The following SAP130 variants were observed in gnomAD, a reference collection of about 807,000 sequenced individuals.
SAP130 encodes histone deacetylase complex subunit SAP130.
A neutral mutation model predicts 103.2 loss-of-function variants in SAP130; 16 were observed. That is an observed-to-expected ratio of 0.16 (90% CI 0.10 to 0.24). SAP130 has a LOEUF of 0.24. Among genes scored for constraint, SAP130 ranks in the 10% least tolerant of loss-of-function variants. The pLI is 1.00. For synonymous variants in SAP130, 477 were observed against 497.0 expected, an observed-to-expected ratio of 0.96 and a Z score of 0.53; for missense variants, 990 against 1,359.7, an observed-to-expected ratio of 0.73 and a Z score of 4.28.
intron 14 of SAP130, among the ~76,000 whole-genome samples, chr2:127,979,196 T>C (rs1255283576): frequency 2.0e-5 from 3 of 152,148 alleles, no homozygotes; most frequent in Admixed American, 6.5e-5. Context: ...GAGGCAGAGA[T>C]TGGGGTGCTG....
Position 127,999,829 on chromosome 2 carries a change from CGT to C in SAP130, c.1123_1124del (p.Thr375AlafsTer54). On this transcript the variant is annotated frameshift_variant, in exon 10 of 21. Coordinates refer to ENST00000643581, the MANE Select transcript of SAP130 (RefSeq NM_001330301.2). LOFTEE classifies it high-confidence loss of function. Reference sequence around the variant, plus strand: ...TAACAATGGTACTTGTGGGAGCTTGCGTGTGTGACACAGATCCTGAAATAGGG... The same window carrying C: ...TAACAATGGTACTTGTGGGAGCTTGCGTGTGACACAGATCCTGAAATAGGG... ...SATTAGSVSH[T>X]QAPTSTIVTM... 1 of 1,534,650 alleles carries C rather than the reference CGT, an allele frequency of 6.5e-7. No individual in the cohort carries two copies. The highest frequency in any genetic ancestry group is 8.7e-7 in the Non-Finnish European group (1 of 1,143,780).
At chr2:127,947,646 TG>T (rs1679175235) in intron 18 of SAP130, among the ~76,000 whole-genome samples, 2 of 152,236 alleles carry the variant, frequency 1.3e-5, no homozygotes, top group South Asian at 2.1e-4. Flanking sequence ...AATATCCCTC[TG>T]TGTCTCTAGC....
chr2:128,002,633 C>T (rs1439145179), intron 7 of SAP130, among the ~76,000 whole-genome samples: 1 of 152,124 alleles, frequency 6.6e-6, no homozygotes, highest in African/African-American at 2.4e-5. Context: ...AAAGCAATGA[C>T]ACACCAGAAA....
chr2:127,990,182 C>G (rs1362634805), intron 12 of SAP130, among the ~76,000 whole-genome samples: 1 of 151,894 alleles, frequency 6.6e-6, no homozygotes, highest in African/African-American at 2.4e-5. Context: ...TATAAAACGT[C>G]AGAAATACAC....
chr2:128,002,726 T>TAAAACAA (rs776376762), intron 7 of SAP130, among the ~76,000 whole-genome samples: 1 of 151,610 alleles, frequency 6.6e-6, no homozygotes, highest in African/African-American at 2.4e-5. Flanking sequence ...ATTTGAAAAC[T>TAAAACAA]AAAACAAAAA....
intron 1 of SAP130, chr2:128,027,301 G>A: frequency 8.9e-7 from 1 of 1,121,356 alleles, no homozygotes; most frequent in Non-Finnish European, 1.1e-6. Flanking sequence ...CTCTTCCCCC[G>A]AACCTGCCCC....
chr2:127,954,963 G>A, intron 16 of SAP130, 23 bp downstream of exon 16: 3 of 1,523,118 alleles, frequency 2.0e-6, no homozygotes, highest in Non-Finnish European at 2.7e-6. Flanking sequence ...TGCCAATGGA[G>A]AGTATTCTAT....
Position 127,986,935 on chromosome 2 carries a change from A to C in SAP130, c.1808T>G (p.Ile603Ser), listed in dbSNP as rs751235591. The C allele has an allele frequency of 1.9e-6, 3 of 1,613,748 alleles. No individual in the cohort carries two copies. Among genetic ancestry groups the C allele is most frequent in the Non-Finnish European group, 2.5e-6 (3 of 1,179,664 alleles). The change falls in exon 14 of 21, where the codon ATT becomes AGT. Residue 603 changes from isoleucine (I) to serine (S), a missense_variant. Coordinates refer to ENST00000643581, the MANE Select transcript of SAP130 (RefSeq NM_001330301.2). The surrounding 1 kb of genome is among the most constrained non-coding windows in gnomAD (Gnocchi z 4.7). ...SAVVLADGAT[I>S]VANPISNPFS... ...TGGATTGCTAATAGGGTTGGCCACA[A>C]TTGTGGCTCCATCTGCCAACACCAC...
chr2:127,975,908 G>C (rs935775355), intron 15 of SAP130, among the ~76,000 whole-genome samples: 1 of 152,114 alleles, frequency 6.6e-6, no homozygotes, highest in Admixed American at 6.6e-5. Context: ...GCAGTGGTGC[G>C]ATCTTGGCTC....
rs531677287 is a variant in SAP130, at chr2:127,968,444, C to T, written c.2063+9541G>A. 1.2e-3 allele frequency among the ~76,000 whole-genome samples: 163 copies of T among 133,446 alleles called. 1 individual carries two copies. The highest frequency in any genetic ancestry group is 4.6e-3 in the African/African-American group (156 of 34,138). 87.5% of individuals were successfully genotyped at this position (133,446 alleles called of 152,430 possible). A position where few individuals can be genotyped will look rare whatever the true frequency, so the allele number is the denominator to read the frequency against. ...TTTTTTTTTTTTTTTTTTTTAAAGA[C>T]AGGGTCTTGGGAGGAGGAGGTTGCA... On this transcript the variant is annotated intron_variant, in intron 15 of 20. Transcript: ENST00000643581.
chr2:127,976,187 T>C (rs1681450777), intron 15 of SAP130, among the ~76,000 whole-genome samples: 1 of 152,234 alleles, frequency 6.6e-6, no homozygotes, highest in East Asian at 1.9e-4. Context: ...AACTGACAAC[T>C]GCAAGTATCC....
At chr2:128,027,460 C>G (rs1312837964) in intron 1 of SAP130, 2 of 1,085,564 alleles carry the variant, frequency 1.8e-6, no homozygotes, top group East Asian at 5.5e-5. Flanking sequence ...GCAGCCCAAA[C>G]CCCTCGAGGC....
At chr2:127,964,494 CAAAAAA>C (rs55755397) in intron 15 of SAP130, among the ~76,000 whole-genome samples, 3 of 69,908 alleles carry the variant, frequency 4.3e-5, no homozygotes, top group East Asian at 4.1e-4. Flanking sequence ...AACTCCATCT[CAAAAAA>C]AAAAAAAAAA....
Position 128,000,337 on chromosome 2 carries a change from C to A in SAP130, c.987G>T (p.Thr329=), listed in dbSNP as rs367806899. ...CCATTGTATGAAGCTGCTGTTTTGG[C>A]GTCCCTAATGCAGGGTGAGATGGTA... ...ITLPSHPALG[T]PKQQLHTMAQ... The change falls in exon 8 of 21, where the codon ACG becomes ACT. Residue 329 remains threonine, a synonymous_variant. Coordinates refer to ENST00000643581, the MANE Select transcript of SAP130 (RefSeq NM_001330301.2). The A allele has an allele frequency of 6.2e-7, 1 of 1,614,192 alleles. No homozygotes were observed. Among genetic ancestry groups the A allele is most frequent in the Non-Finnish European group, 8.5e-7 (1 of 1,180,032 alleles).
rs1683165962 is a variant in SAP130 at position 127,996,214 on chromosome 2, G to C, written c.1355+136C>G. On this transcript the variant is annotated intron_variant, in intron 11 of 20. Transcript: ENST00000643581. The surrounding 1 kb of genome is among the most constrained non-coding windows in gnomAD (Gnocchi z 4.3). ...CACATAAAAAAAGGAATTATACGAA[G>C]TGTTACTTTCAGGGGAAAATCTGAA... 2 of 740,596 alleles carry C rather than the reference G, an allele frequency of 2.7e-6. No individual in the cohort carries two copies. The highest frequency in any genetic ancestry group is 6.8e-5 in the Admixed American group (2 of 29,222). The allele number at this position is 740,596 out of a possible 1,614,324, so 45.9% of individuals were successfully genotyped here.
chr2:127,944,716 G>A (rs905161181), intron 19 of SAP130, among the ~76,000 whole-genome samples: 4 of 152,054 alleles, frequency 2.6e-5, no homozygotes, highest in Non-Finnish European at 5.9e-5. Flanking sequence ...GTGAGCCACC[G>A]TGCCTGGCCT....
rs574118737 is a variant in SAP130, at chr2:127,999,829, C to T, written c.1125G>A (p.Thr375=). The T allele has an allele frequency of 4.4e-5, 68 of 1,534,652 alleles. No individual in the cohort carries two copies. The East Asian group carries it at 7.5e-4, about 17-fold the overall frequency. The change falls in exon 10 of 21, where the codon ACG becomes ACA. Residue 375 remains threonine, a synonymous_variant. Coordinates refer to ENST00000643581, the MANE Select transcript of SAP130 (RefSeq NM_001330301.2). ...TAACAATGGTACTTGTGGGAGCTTG[C>T]GTGTGTGACACAGATCCTGAAATAG... ...SATTAGSVSH[T]QAPTSTIVTM... is the part of the protein sequence containing the mutation.
intron 2 of SAP130, among the ~76,000 whole-genome samples, chr2:128,018,726 A>T (rs1559105193): frequency 6.6e-6 from 1 of 151,832 alleles, no homozygotes; most frequent in Non-Finnish European, 1.5e-5. Context: ...TGGGAGGTCA[A>T]GGCTGCAGTG....
Position 128,016,473 on chromosome 2 carries a change from C to T in SAP130, c.423G>A (p.Lys141=), listed in dbSNP as rs779173382. ...TGGTAACGGTAACCTGCCCTGGAAC[C>T]TTGGGGGGAAGTGACAGGGTAGAAG... ...APPSTLSLPP[K]VPGQVTVTME... is the part of the protein sequence containing the mutation. Residue 141 remains lysine (K), a synonymous_variant, in exon 4 of 21, where the codon AAG becomes AAA. Transcript: ENST00000643581. The T allele has an allele frequency of 1.9e-6, 3 of 1,613,928 alleles. No individual in the cohort carries two copies. Among genetic ancestry groups the T allele is most frequent in the African/African-American group, 1.3e-5 (1 of 74,948 alleles).
Sources: allele counts gnomAD v4.1 joint callset (sites outside exome capture counted in the v4.1 genomes callset), GRCh38; gene constraint gnomAD v4.1.1; non-coding constraint Gnocchi (gnomAD v3.1); transcripts MANE v1.5; gene names NCBI Gene and HGNC (gene_info 2026-07-23, HGNC 2026-07-21).